The following CAAP1 variants were observed in gnomAD, a reference collection of about 807,000 sequenced individuals.
The protein encoded by CAAP1 is caspase activity and apoptosis inhibitor 1, also known as conserved anti-apoptotic protein.
In CAAP1, 20 loss-of-function variants were observed where a neutral mutation model predicts 34.0. That is an observed-to-expected ratio of 0.59 (90% CI 0.41 to 0.86). CAAP1 has a LOEUF of 0.86. Ranked by LOEUF, CAAP1 falls within the 40% of genes least tolerant of loss-of-function variation. The pLI is 0.00. For missense variants in CAAP1, 538 were observed against 450.5 expected, an observed-to-expected ratio of 1.19 and a Z score of -1.76; for synonymous variants, 213 against 166.7, an observed-to-expected ratio of 1.28 and a Z score of -2.14.
At chr9:26,864,993 G>A (rs1587105765) in intron 4 of CAAP1, among the ~76,000 whole-genome samples, 1 of 152,228 alleles carries the variant, frequency 6.6e-6, no homozygotes, top group African/African-American at 2.4e-5. Flanking sequence ...ATTAAGTGGT[G>A]TCCAGATAAC....
chr9:26,892,596 A>G lies in CAAP1; in HGVS notation c.120T>C (p.Thr40=). Residue 40 remains threonine (T), a synonymous_variant, in exon 1 of 6, where the codon ACT becomes ACC. Transcript: ENST00000333916. ...PALASGSSGS[T]SGCGSAGGCG... Reference sequence around the variant, plus strand: ...AGCCCCCGGCGCTCCCGCAGCCGCTAGTGCTTCCACTGCTGCCGCTGGCCA... The same window carrying G: ...AGCCCCCGGCGCTCCCGCAGCCGCTGGTGCTTCCACTGCTGCCGCTGGCCA... The G allele has an allele frequency of 6.2e-7, 1 of 1,607,554 alleles. No individual in the cohort carries two copies. The highest frequency in any genetic ancestry group is 1.1e-5 in the South Asian group (1 of 90,558).
At chr9:26,888,765 G>A (rs1037740935) in intron 1 of CAAP1, among the ~76,000 whole-genome samples, 3 of 152,192 alleles carry the variant, frequency 2.0e-5, no homozygotes, top group Non-Finnish European at 4.4e-5. Context: ...CAAGAGAAAT[G>A]TAACGATATG....
At chr9:26,872,027 A>T (rs900471327) in intron 4 of CAAP1, among the ~76,000 whole-genome samples, 5 of 152,238 alleles carry the variant, frequency 3.3e-5, no homozygotes, top group African/African-American at 4.8e-5. Flanking sequence ...CTATACACTC[A>T]TGAAAATTTA....
At chr9:26,869,201 A>T (rs914774475) in intron 4 of CAAP1, among the ~76,000 whole-genome samples, 2 of 152,066 alleles carry the variant, frequency 1.3e-5, no homozygotes, top group African/African-American at 4.8e-5. Context: ...AGTAAAAAAA[A>T]ATAAATAAAC....
intron 4 of CAAP1, among the ~76,000 whole-genome samples, chr9:26,869,100 T>C (rs537131863): frequency 8.5e-5 from 13 of 152,250 alleles, no homozygotes; most frequent in African/African-American, 3.1e-4. Context: ...TGGAAAACTA[T>C]AATAATTGTT....
intron 4 of CAAP1, among the ~76,000 whole-genome samples, chr9:26,876,908 C>G (rs371718256): frequency 6.6e-6 from 1 of 152,126 alleles, no homozygotes; most frequent in South Asian, 2.1e-4. Flanking sequence ...AATCCTAGCA[C>G]TTTGGGAGTC....
At position 26,887,297 on chromosome 9, in the gene CAAP1, A is replaced by T. The variant is rs1162321262; in HGVS notation, c.504+16T>A. On this transcript the variant is annotated intron_variant, in intron 2 of 5. Transcript: ENST00000333916. ...TATTTCTACATATGTATCTAGTCTGATGTGTAATGAAGTACCTTTAACACA... is the reference window on the plus strand; with the variant it reads ...TATTTCTACATATGTATCTAGTCTGTTGTGTAATGAAGTACCTTTAACACA... The T allele has an allele frequency of 1.3e-6, 2 of 1,504,068 alleles. No homozygotes were observed. Among genetic ancestry groups the T allele is most frequent in the Non-Finnish European group, 9.0e-7 (1 of 1,108,474 alleles). 93.2% of individuals were successfully genotyped at this position (1,504,068 alleles called of 1,614,324 possible).
intron 4 of CAAP1, among the ~76,000 whole-genome samples, chr9:26,867,705 C>T (rs1823171080): frequency 6.6e-6 from 1 of 152,106 alleles, no homozygotes; most frequent in Non-Finnish European, 1.5e-5. Context: ...TTAACCTATA[C>T]TTTAAAATTA....
intron 5 of CAAP1, among the ~76,000 whole-genome samples, chr9:26,847,060 A>T (rs1822628155): frequency 6.6e-6 from 1 of 151,958 alleles, no homozygotes; most frequent in South Asian, 2.1e-4. Context: ...ATTTTTAACA[A>T]AAACATAATT....
rs538026421 is a variant in CAAP1, at chr9:26,848,108, T to C, written c.740-5461A>G. On this transcript the variant is annotated intron_variant, in intron 5 of 5. Transcript: ENST00000333916. ...TGCATAAGAACTGTTTCTGATAAGC[T>C]GAATTATTATCAACTCGAATATTTA... Among the ~76,000 whole-genome samples, 103 of 152,390 alleles carry C rather than the reference T, an allele frequency of 6.8e-4. 1 individual carries two copies. The highest frequency in any genetic ancestry group is 2.3e-3 in the African/African-American group (97 of 41,598).
At chr9:26,882,038 T>C (rs1415467942) in intron 4 of CAAP1, among the ~76,000 whole-genome samples, 1 of 152,170 alleles carries the variant, frequency 6.6e-6, no homozygotes, top group Non-Finnish European at 1.5e-5. Flanking sequence ...TTAGGGTATC[T>C]GGTGGAAGAA....
chr9:26,865,818 T>C (rs1399275272), intron 4 of CAAP1, among the ~76,000 whole-genome samples: 1 of 152,198 alleles, frequency 6.6e-6, no homozygotes, highest in Non-Finnish European at 1.5e-5. Flanking sequence ...GGTTTCGTAG[T>C]AGTAACTAAA....
At chr9:26,880,457 G>A (rs1162791550) in intron 4 of CAAP1, 2 of 212,998 alleles carry the variant, frequency 9.4e-6, no homozygotes, top group Non-Finnish European at 1.0e-5. Flanking sequence ...CTCCAGGAGA[G>A]GGTGCACTCT....
chr9:26,890,023 A>G (rs1823862201), intron 1 of CAAP1, among the ~76,000 whole-genome samples: 1 of 152,254 alleles, frequency 6.6e-6, no homozygotes, highest in South Asian at 2.1e-4. Flanking sequence ...TTCTGTACGC[A>G]AAATGTTTTC....
chr9:26,846,821 G>A (rs1822621729), intron 5 of CAAP1, among the ~76,000 whole-genome samples: 1 of 151,974 alleles, frequency 6.6e-6, no homozygotes, highest in African/African-American at 2.4e-5. Context: ...CCAAGTAGCT[G>A]GGATTACAGG....
chr9:26,882,780 T>C (rs567951458), intron 4 of CAAP1, among the ~76,000 whole-genome samples: 5 of 152,130 alleles, frequency 3.3e-5, no homozygotes, highest in African/African-American at 1.2e-4. Flanking sequence ...GGCTGTACCC[T>C]ACAAAGAAAC....
intron 5 of CAAP1, among the ~76,000 whole-genome samples, chr9:26,851,205 A>G (rs1822743155): frequency 1.3e-5 from 2 of 152,236 alleles, no homozygotes; most frequent in African/African-American, 4.8e-5. Context: ...TACGCAATAC[A>G]AAATATAACA....
intron 4 of CAAP1, among the ~76,000 whole-genome samples, chr9:26,862,310 A>T (rs1823020008): frequency 6.6e-6 from 1 of 152,136 alleles, no homozygotes; most frequent in Non-Finnish European, 1.5e-5. Context: ...GATTTTACCT[A>T]CTGGGAGCAT....
chr9:26,874,206 C>CA (rs34601727), intron 4 of CAAP1, among the ~76,000 whole-genome samples: 4,998 of 50,176 alleles, frequency 0.1, 176 homozygotes, highest in African/African-American at 0.13. Flanking sequence ...GACTCTGTCT[C>CA]AAAAAAAAAA....
Sources: allele counts gnomAD v4.1 joint callset (sites outside exome capture counted in the v4.1 genomes callset), GRCh38; gene constraint gnomAD v4.1.1; transcripts MANE v1.5; gene names NCBI Gene and HGNC (gene_info 2026-07-23, HGNC 2026-07-21).